FBXL2: variants seen among roughly 807,000 people sequenced by gnomAD.
FBXL2 encodes F-box and leucine rich repeat protein 2.
A neutral mutation model predicts 69.2 loss-of-function variants in FBXL2; 38 were observed. The observed-to-expected ratio is 0.55, with a 90% confidence interval of 0.42 to 0.72. The LOEUF (loss-of-function observed/expected upper bound fraction) is 0.72. FBXL2 is among the 30% of genes least tolerant of loss of function. The probability of loss-of-function intolerance (pLI) is 0.00; values close to 1 mark genes in which losing one functional copy is unlikely to be tolerated. For missense variants in FBXL2, 354 were observed against 520.3 expected, an observed-to-expected ratio of 0.68 and a Z score of 3.11; for synonymous variants, 192 against 201.3, an observed-to-expected ratio of 0.95 and a Z score of 0.39.
intron 1 of FBXL2, among the ~76,000 whole-genome samples, chr3:33,292,322 C>G (rs938754338): frequency 6.6e-6 from 1 of 151,978 alleles, no homozygotes; most frequent in Non-Finnish European, 1.5e-5. Flanking sequence ...GAGGTTGCAG[C>G]GAGCCAAGAT....
At chr3:33,310,343 GGTTTCACCATT>G (rs758193967) in intron 2 of FBXL2, among the ~76,000 whole-genome samples, 81 of 151,894 alleles carry the variant, frequency 5.3e-4, no homozygotes, top group Middle Eastern at 3.4e-3. Flanking sequence ...GTAGAGATGG[GGTTTCACCATT>G]GTTACCAAGG....
At chr3:33,410,095 AT>A in the FBXL2 span, among the ~76,000 whole-genome samples, 4 of 152,072 alleles carry the variant, frequency 2.6e-5, no homozygotes, top group Admixed American at 1.3e-4. Context: ...GCCTGGGGAA[AT>A]TTTACAGTCC....
intron 12 of FBXL2, chr3:33,396,467 G>T (rs1185292316): frequency 2.5e-5 from 13 of 512,908 alleles, no homozygotes; most frequent in Non-Finnish European, 4.5e-5. Flanking sequence ...ATCACAGGTG[G>T]TCTAATATGA....
chr3:33,322,336 CA>C (rs912325227), intron 2 of FBXL2, among the ~76,000 whole-genome samples: 31 of 151,960 alleles, frequency 2.0e-4, no homozygotes, highest in African/African-American at 6.8e-4. Flanking sequence ...CCTCGGCCTC[CA>C]AAAGTGCTGG....
At chr3:33,377,453 G>A in intron 11 of FBXL2, 120 bp downstream of exon 11, 1 of 932,596 alleles carries the variant, frequency 1.1e-6, no homozygotes, top group Non-Finnish European at 1.7e-6. Context: ...ACAAAGTAGA[G>A]TAGAACCCTT....
chr3:33,394,965 A>G (rs1460668864), intron 12 of FBXL2, among the ~76,000 whole-genome samples: 2 of 152,064 alleles, frequency 1.3e-5, no homozygotes, highest in South Asian at 2.1e-4. Context: ...AATATTTACT[A>G]CCTGACCTTT....
At chr3:33,299,384 G>T (rs889314639) in intron 2 of FBXL2, among the ~76,000 whole-genome samples, 1 of 152,174 alleles carries the variant, frequency 6.6e-6, no homozygotes, top group Non-Finnish European at 1.5e-5. Flanking sequence ...GGGAAATGCT[G>T]ACATACAATA....
chr3:33,357,391 G>A (rs551079209), intron 2 of FBXL2, among the ~76,000 whole-genome samples: 2 of 152,174 alleles, frequency 1.3e-5, no homozygotes, highest in Non-Finnish European at 2.9e-5. Context: ...ATATGTCACA[G>A]AACACAGCTA....
At chr3:33,282,770 G>A (rs1047707624) in intron 1 of FBXL2, among the ~76,000 whole-genome samples, 19 of 152,118 alleles carry the variant, frequency 1.2e-4, no homozygotes, top group Admixed American at 5.2e-4. Context: ...CACATCCCTT[G>A]TAAGTTGGAT....
In FBXL2 at chr3:33,373,095, CT is replaced by C. The variant is rs771163788; in HGVS notation, c.297del (p.Phe99LeufsTer11). 6.2e-7 allele frequency: 1 copy of C among 1,613,996 alleles called. No homozygotes were observed. Among genetic ancestry groups the C allele is most frequent in the African/African-American group, 1.3e-5 (1 of 74,934 alleles). On this transcript the variant is annotated frameshift_variant, in exon 6 of 15. Coordinates refer to ENST00000484457, the MANE Select transcript of FBXL2 (RefSeq NM_012157.5). LOFTEE classifies it high-confidence loss of function. ...TTAAAATGTTTTCTCATTTTAGGAC[CT>C]TTGCACAGAACTGCCGAAACATTGA... ...IGVGDSSLKT[F>X]AQNCRNIEHL...
chr3:33,341,241 A>G (rs1342342397), intron 2 of FBXL2, among the ~76,000 whole-genome samples: 1 of 152,222 alleles, frequency 6.6e-6, no homozygotes, highest in Non-Finnish European at 1.5e-5. Flanking sequence ...TAGAAAATAC[A>G]GAGGCCAGAG....
chr3:33,320,747 G>T (rs2038129391), intron 2 of FBXL2, among the ~76,000 whole-genome samples: 1 of 151,958 alleles, frequency 6.6e-6, no homozygotes, highest in Non-Finnish European at 1.5e-5. Context: ...CCAAAATGCT[G>T]GGATTACAGG....
chr3:33,298,486 A>G (rs1314942138), intron 2 of FBXL2, among the ~76,000 whole-genome samples: 2 of 152,072 alleles, frequency 1.3e-5, no homozygotes, highest in African/African-American at 2.4e-5. Flanking sequence ...AGCCTGGCCA[A>G]TGTGGTGAAA....
intron 2 of FBXL2, among the ~76,000 whole-genome samples, chr3:33,352,621 C>T (rs954833373): frequency 1.3e-5 from 2 of 152,210 alleles, no homozygotes; most frequent in Non-Finnish European, 2.9e-5. Flanking sequence ...ATCAGCTGGG[C>T]TCTGTGGCTC....
At chr3:33,345,296 C>A (rs967782296) in intron 2 of FBXL2, among the ~76,000 whole-genome samples, 1 of 152,146 alleles carries the variant, frequency 6.6e-6, no homozygotes, top group Non-Finnish European at 1.5e-5. Flanking sequence ...AACTTAATTA[C>A]GTTTGCACAA....
intron 2 of FBXL2, among the ~76,000 whole-genome samples, chr3:33,327,572 G>A (rs2038800523): frequency 6.6e-6 from 1 of 151,934 alleles, no homozygotes; most frequent in African/African-American, 2.4e-5. Context: ...AAGTCAACTA[G>A]CTCAAGACTA....
intron 2 of FBXL2, among the ~76,000 whole-genome samples, chr3:33,345,337 G>A (rs1190448156): frequency 2.6e-5 from 4 of 152,218 alleles, no homozygotes; most frequent in African/African-American, 9.6e-5. Context: ...ATATTCACAG[G>A]TTCTGTTGAT....
the FBXL2 span, among the ~76,000 whole-genome samples, chr3:33,422,199 A>G: frequency 6.6e-6 from 1 of 152,232 alleles, no homozygotes. Flanking sequence ...AGATACTCAG[A>G]AATGTCTCAG....
At chr3:33,378,474 G>A (rs998524962) in intron 12 of FBXL2, among the ~76,000 whole-genome samples, 5 of 152,174 alleles carry the variant, frequency 3.3e-5, no homozygotes, top group Non-Finnish European at 7.3e-5. Flanking sequence ...AGCCTCCTTG[G>A]GGTACCAGAA....
Sources: gnomAD v4.1 joint callset for allele counts (sites outside exome capture counted in the v4.1 genomes callset) on GRCh38, gnomAD v4.1.1 for gene constraint, MANE v1.5 for transcripts, NCBI Gene and HGNC (gene_info 2026-07-23, HGNC 2026-07-21) for gene names.